QRICH2: variants seen among roughly 807,000 people sequenced by gnomAD.
QRICH2 encodes glutamine-rich protein 2.
A neutral mutation model predicts 168.3 loss-of-function variants in QRICH2; 119 were observed. The ratio of observed to expected loss-of-function variants is 0.71; its 90% CI spans 0.61 to 0.82. QRICH2 has a LOEUF of 0.82. QRICH2 is among the 40% of genes least tolerant of loss of function. The probability of loss-of-function intolerance (pLI) is 0.00; values close to 1 mark genes in which losing one functional copy is unlikely to be tolerated. For missense variants in QRICH2, 2,241 were observed against 2,491.6 expected (o/e 0.90, Z 2.14); for synonymous variants, 894 against 951.2 (o/e 0.94, Z 1.11).
chr17:76,309,178 T>C (rs2071037473), upstream of QRICH2, among the ~76,000 whole-genome samples: 2 of 146,468 alleles, frequency 1.4e-5, no homozygotes, highest in Admixed American at 1.4e-4. Context: ...GCCAACATAG[T>C]GAAACCCCTC....
chr17:76,286,291 C>T (rs751538465), intron 7 of QRICH2, among the ~76,000 whole-genome samples: 46 of 152,056 alleles, frequency 3.0e-4, no homozygotes, highest in Non-Finnish European at 3.4e-4. Flanking sequence ...GTGGCATAGA[C>T]GCAGAATGGA....
upstream of QRICH2, among the ~76,000 whole-genome samples, chr17:76,309,322 C>A (rs2071040947): frequency 6.7e-6 from 1 of 150,018 alleles, no homozygotes. Flanking sequence ...CACCACTGCA[C>A]CCCAGCCTGG....
chr17:76,290,595 T>C (rs1261798715), intron 4 of QRICH2, among the ~76,000 whole-genome samples: 1 of 152,150 alleles, frequency 6.6e-6, no homozygotes, highest in East Asian at 1.9e-4. Flanking sequence ...CCACATTGCC[T>C]AGGCTGGTCT....
rs2070763990 is a variant in QRICH2 at position 76,280,327 on chromosome 17, T to G, written c.4586A>C (p.Gln1529Pro). 1 of 1,614,230 alleles carries G rather than the reference T, an allele frequency of 6.2e-7. No homozygotes were observed. The highest frequency in any genetic ancestry group is 8.5e-7 in the Non-Finnish European group (1 of 1,180,030). Reference sequence around the variant, plus strand: ...TGTGAGCAGCCTGTCCAGCATCTTCTGCCAGTCCTGCTCCTGCCCGCTCAT... The same window carrying G: ...TGTGAGCAGCCTGTCCAGCATCTTCGGCCAGTCCTGCTCCTGCCCGCTCAT... The part of the protein sequence containing the change: ...AKMSGQEQDW[Q>P]KMLDRLLTEM... The change falls in exon 11 of 19, where the codon CAG becomes CCG. Residue 1529 changes from glutamine (Q) to proline (P), a missense_variant. Transcript: ENST00000680821. The surrounding 1 kb of genome is among the most constrained non-coding windows in gnomAD (Gnocchi z 7.4).
At chr17:76,275,532 G>A (rs1240497853) in intron 18 of QRICH2, among the ~76,000 whole-genome samples, 2 of 152,252 alleles carry the variant, frequency 1.3e-5, no homozygotes, top group African/African-American at 4.8e-5. Flanking sequence ...ATGACAGTGA[G>A]TGCACGTGAG....
At chr17:76,285,981 G>A (rs914062300) in intron 7 of QRICH2, among the ~76,000 whole-genome samples, 13 of 152,096 alleles carry the variant, frequency 8.5e-5, no homozygotes, top group East Asian at 5.8e-4. Context: ...GACCATCCTG[G>A]CTAACACAGT....
chr17:76,283,015 G>T (rs918538428), intron 7 of QRICH2, among the ~76,000 whole-genome samples: 3 of 152,218 alleles, frequency 2.0e-5, no homozygotes, highest in Non-Finnish European at 4.4e-5. Flanking sequence ...AGAGGGACAG[G>T]TGGGGTGGCC....
chr17:76,287,726 C>T, intron 6 of QRICH2, 74 bp downstream of exon 6: 3 of 1,113,582 alleles, frequency 2.7e-6, no homozygotes, highest in South Asian at 1.2e-5. Context: ...AAGGGAGCCA[C>T]TGGCCGCCAT....
intron 3 of QRICH2, among the ~76,000 whole-genome samples, chr17:76,301,166 C>T (rs756540868): frequency 4.6e-5 from 7 of 151,334 alleles, no homozygotes; most frequent in Non-Finnish European, 7.4e-5. Flanking sequence ...GCAGTAAGCC[C>T]TTATGGTACC....
In QRICH2 at chr17:76,277,730, G is replaced by A. The variant is rs371502265; in HGVS notation, c.5117+259C>T. On this transcript the variant is annotated intron_variant, in intron 15 of 18. Coordinates refer to ENST00000680821, the MANE Select transcript of QRICH2 (RefSeq NM_001388453.1). ...CACATACTCAAACACCCACACTCAC[G>A]CACTCACTCCCACACTCATACACAC... 5.6e-4 allele frequency among the ~76,000 whole-genome samples: 85 copies of A among 151,158 alleles called. 1 individual carries two copies. In the East Asian group the frequency reaches 5.8e-3, roughly 10 times the overall value.
At position 76,291,072 on chromosome 17, in the gene QRICH2, C is replaced by T. The variant is rs1432582821; in HGVS notation, c.3655G>A (p.Glu1219Lys). ...AAGTCGGTTTGGCCGGCCTGCTCCT[C>T]ATCCAGATCCTTCATACTCTCCTTT... The part of the protein sequence containing the change: ...GLKESMKDLD[E>K]EQAGQTDLEK... Residue 1219 changes from glutamate (E) to lysine (K), a missense_variant, in exon 4 of 19, where the codon GAG becomes AAG. Glu to Lys is a moderately conservative substitution (Grantham distance 56). This residue lies in a region of QRICH2 where 2,047 missense variants were observed against 2,303.8 expected (regional missense o/e 0.89). Coordinates refer to ENST00000680821, the MANE Select transcript of QRICH2 (RefSeq NM_001388453.1). 6.2e-7 allele frequency: 1 copy of T among 1,614,188 alleles called. No individual in the cohort carries two copies. Among genetic ancestry groups the T allele is most frequent in the East Asian group, 2.2e-5 (1 of 44,882 alleles).
At chr17:76,306,849 T>C (rs970574318) in intron 1 of QRICH2, among the ~76,000 whole-genome samples, 10 of 151,256 alleles carry the variant, frequency 6.6e-5, no homozygotes, top group African/African-American at 2.4e-4. Flanking sequence ...ACTGCACCAC[T>C]GCATTTCAGC....
intron 3 of QRICH2, among the ~76,000 whole-genome samples, chr17:76,302,059 C>T (rs547709399): frequency 1.5e-4 from 23 of 152,078 alleles, no homozygotes; most frequent in East Asian, 9.7e-4. Flanking sequence ...CCACCACACC[C>T]GGCTAATTTT....
At chr17:76,285,973 C>G (rs994251514) in intron 7 of QRICH2, among the ~76,000 whole-genome samples, 1 of 152,080 alleles carries the variant, frequency 6.6e-6, no homozygotes, top group Non-Finnish European at 1.5e-5. Context: ...GAGATTGAGA[C>G]CATCCTGGCT....
chr17:76,308,176 C>A lies in QRICH2; in HGVS notation c.-178G>T. The A allele has an allele frequency of 1.0e-6, 1 of 985,428 alleles. No homozygotes were observed. The highest frequency in any genetic ancestry group is 1.2e-6 in the Non-Finnish European group (1 of 829,908). The allele number at this position is 985,428 out of a possible 1,614,324, so 61.0% of individuals were successfully genotyped here. The stretch of plus-strand genomic sequence containing the variant: ...CTCCAGGGAATCTGCGCCTCCGCTC[C>A]CCGGCGGGGTCCGCGATGGCCACCC... On this transcript the variant is annotated 5_prime_UTR_variant, in exon 1 of 19. Coordinates refer to ENST00000680821, the MANE Select transcript of QRICH2 (RefSeq NM_001388453.1).
intron 3 of QRICH2, chr17:76,301,449 T>C: frequency 4.0e-6 from 1 of 247,638 alleles, no homozygotes; most frequent in Non-Finnish European, 8.4e-6. Flanking sequence ...GCACCTGTGG[T>C]CCCAACTACC....
intron 1 of QRICH2, among the ~76,000 whole-genome samples, chr17:76,306,886 C>CAA (rs201292145): frequency 1.8e-4 from 25 of 137,472 alleles, no homozygotes; most frequent in African/African-American, 5.8e-4. Flanking sequence ...GACTCCTTCT[C>CAA]AAAAAAAAAA....
Position 76,293,513 on chromosome 17 carries a change from G to A in QRICH2, c.1214C>T (p.Ala405Val), listed in dbSNP as rs1254630543. The change falls in exon 4 of 19, where the codon GCT becomes GTT. Residue 405 changes from alanine (A) to valine (V), a missense_variant. By Grantham distance (64) the Ala-to-Val change is moderately conservative. This residue lies in a region of QRICH2 where 2,047 missense variants were observed against 2,303.8 expected (regional missense o/e 0.89). Transcript: ENST00000680821. ...TACCACACCATGTGGGTAAGTGCTAGCAGGCACTAATCCAGGCTGATTCAT... is the reference window on the plus strand; with the variant it reads ...TACCACACCATGTGGGTAAGTGCTAACAGGCACTAATCCAGGCTGATTCAT... ...TGMNQPGLVPASTYPHGVVPL... is the reference protein window; with the variant it reads ...TGMNQPGLVPVSTYPHGVVPL... The A allele has an allele frequency of 6.2e-7, 1 of 1,614,246 alleles. No individual in the cohort carries two copies. Among genetic ancestry groups the A allele is most frequent in the Admixed American group, 1.7e-5 (1 of 60,026 alleles).
Position 76,275,943 on chromosome 17 carries a change from T to G in QRICH2, c.5358A>C (p.Ser1786=). The G allele has an allele frequency of 6.2e-7, 1 of 1,607,308 alleles. No individual in the cohort carries two copies. The highest frequency in any genetic ancestry group is 2.2e-5 in the East Asian group (1 of 44,872). The part of the protein sequence containing the change: ...RLPGILRKDS[S]GTSKRKSQQP... Reference sequence around the variant, plus strand: ...GCTGGGACTTGCGCTTTGAGGTCCCTGAGCCTGATGGGGGACAGGAGGGAA... The same window carrying G: ...GCTGGGACTTGCGCTTTGAGGTCCCGGAGCCTGATGGGGGACAGGAGGGAA... The change falls in exon 18 of 19, where the codon TCA becomes TCC. Residue 1786 remains serine (S), a synonymous_variant. Coordinates refer to ENST00000680821, the MANE Select transcript of QRICH2 (RefSeq NM_001388453.1).
Sources: allele counts gnomAD v4.1 joint callset (sites outside exome capture counted in the v4.1 genomes callset), GRCh38; gene constraint gnomAD v4.1.1; regional missense constraint gnomAD v4.1.1; non-coding constraint Gnocchi (gnomAD v3.1); transcripts MANE v1.5; gene names NCBI Gene and HGNC (gene_info 2026-07-23, HGNC 2026-07-21).